Variants in RBFOX1 observed in about 807,000 individuals in gnomAD.
RBFOX1 encodes RNA binding fox-1 homolog 1.
A neutral mutation model predicts 57.7 loss-of-function variants in RBFOX1; 8 were observed. The observed-to-expected ratio is 0.14, with a 90% CI of 0.08 to 0.25. The LOEUF (loss-of-function observed/expected upper bound fraction) is 0.25. RBFOX1 is among the 10% of genes least tolerant of loss of function. The pLI, the probability that RBFOX1 is intolerant of heterozygous loss-of-function variation, is 1.00. For synonymous variants in RBFOX1, 326 were observed against 222.4 expected (o/e 1.47, Z -4.15); for missense variants, 611 against 548.5 (o/e 1.11, Z -1.14).
chr16:6,664,917 C>T (rs1257580176), intron 3 of RBFOX1, among the ~76,000 whole-genome samples: 1 of 152,210 alleles, frequency 6.6e-6, no homozygotes, highest in Admixed American at 6.5e-5. Flanking sequence ...TCCACAGCTG[C>T]ATCGTCTATA....
chr16:6,805,600 A>G (rs1375271356), intron 3 of RBFOX1, among the ~76,000 whole-genome samples: 5 of 149,942 alleles, frequency 3.3e-5, no homozygotes, highest in African/African-American at 1.3e-4. Flanking sequence ...TCAGACAATG[A>G]AGAGCAAATC....
At chr16:7,591,466 GA>G (rs2094440306) in intron 7 of RBFOX1, among the ~76,000 whole-genome samples, 1 of 152,038 alleles carries the variant, frequency 6.6e-6, no homozygotes, top group Non-Finnish European at 1.5e-5. Context: ...TACAAAAGAT[GA>G]AAAAAGAACA....
At chr16:6,428,860 G>C (rs2094000850) in intron 2 of RBFOX1, among the ~76,000 whole-genome samples, 6 of 152,212 alleles carry the variant, frequency 3.9e-5, no homozygotes, top group Admixed American at 3.9e-4. Context: ...ACGAGGCTGT[G>C]ATTGTTTGTT....
At chr16:6,080,864 T>C (rs1305953948) in intron 1 of RBFOX1, among the ~76,000 whole-genome samples, 1 of 152,230 alleles carries the variant, frequency 6.6e-6, no homozygotes, top group Non-Finnish European at 1.5e-5. Flanking sequence ...GCTGCTTGTT[T>C]TCCTGTTTAA....
rs750641105 is a variant in RBFOX1 at position 6,966,781 on chromosome 16, ATCTATCTATCTGTCTG to A, written c.-15-85272_-15-85257del. On this transcript the variant is annotated intron_variant, in intron 3 of 15. Coordinates refer to ENST00000550418, the MANE Select transcript of RBFOX1 (RefSeq NM_018723.4). Reference sequence around the variant, plus strand: ...TGTCTGTCTATCTATCTATCTATCTATCTATCTATCTGTCTGTCTGTCTGTCTGTCTGTCTGTCTAT... The same window carrying A: ...TGTCTGTCTATCTATCTATCTATCTATCTGTCTGTCTGTCTGTCTGTCTAT... 5.1e-3 allele frequency among the ~76,000 whole-genome samples: 306 copies of A among 59,850 alleles called. 5 individuals are homozygous for A. The East Asian group carries it at 0.058, about 11-fold the overall frequency. The allele number at this position is 59,850 out of a possible 152,430, so 39.3% of individuals were successfully genotyped here.
chr16:6,872,693 A>G (rs1017721920), intron 3 of RBFOX1, among the ~76,000 whole-genome samples: 9 of 152,222 alleles, frequency 5.9e-5, no homozygotes, highest in African/African-American at 2.2e-4. Flanking sequence ...ATTATAATCC[A>G]GGGTAAGCTA....
intron 1 of RBFOX1, among the ~76,000 whole-genome samples, chr16:5,261,872 AC>A (rs1166222832): frequency 6.6e-6 from 1 of 151,380 alleles, no homozygotes; most frequent in Non-Finnish European, 1.5e-5. Context: ...CTTTGTAGTA[AC>A]CCCCTTTCCC....
At chr16:6,805,309 G>A (rs1304016544) in intron 3 of RBFOX1, among the ~76,000 whole-genome samples, 2 of 152,158 alleles carry the variant, frequency 1.3e-5, no homozygotes, top group African/African-American at 2.4e-5. Flanking sequence ...AATATTGCAT[G>A]TTCTCACTTA....
intron 1 of RBFOX1, among the ~76,000 whole-genome samples, chr16:6,226,918 G>A (rs1461519461): frequency 1.3e-5 from 2 of 149,056 alleles, no homozygotes; most frequent in Admixed American, 6.7e-5. Flanking sequence ...AGACCAGCCC[G>A]GCCAACATGA....
chr16:5,559,524 A>G (rs1056125685), intron 2 of RBFOX1, among the ~76,000 whole-genome samples: 1 of 152,192 alleles, frequency 6.6e-6, no homozygotes, highest in African/African-American at 2.4e-5. Flanking sequence ...GCCTGTCAGG[A>G]TCGGGCCTTG....
At chr16:7,679,796 T>G (rs1175181396) in intron 14 of RBFOX1, among the ~76,000 whole-genome samples, 4 of 152,028 alleles carry the variant, frequency 2.6e-5, no homozygotes, top group Admixed American at 1.3e-4. Flanking sequence ...TCTCTGAATG[T>G]TGACCTCCAG....
At chr16:5,547,929 G>T (rs1215747553) in intron 2 of RBFOX1, among the ~76,000 whole-genome samples, 1 of 151,884 alleles carries the variant, frequency 6.6e-6, no homozygotes, top group Non-Finnish European at 1.5e-5. Flanking sequence ...GGAGGCTAAG[G>T]TGGGCAGATC....
intron 11 of RBFOX1, among the ~76,000 whole-genome samples, chr16:7,631,252 C>T (rs1441250581): frequency 6.6e-6 from 1 of 152,158 alleles, no homozygotes; most frequent in Non-Finnish European, 1.5e-5. Flanking sequence ...CATTAAATAA[C>T]TGTCTTTTAA....
At chr16:7,299,160 T>C (rs892831764) in intron 4 of RBFOX1, among the ~76,000 whole-genome samples, 1 of 152,246 alleles carries the variant, frequency 6.6e-6, no homozygotes, top group Non-Finnish European at 1.5e-5. Context: ...ACTCCCACCA[T>C]CTGTGTTTCA....
intron 4 of RBFOX1, among the ~76,000 whole-genome samples, chr16:5,991,908 A>C (rs1460092925): frequency 6.6e-6 from 1 of 152,194 alleles, no homozygotes; most frequent in Non-Finnish European, 1.5e-5. Flanking sequence ...AAAAGCAACC[A>C]TTCTTACCAT....
At chr16:7,366,180 G>A (rs768440854) in intron 4 of RBFOX1, among the ~76,000 whole-genome samples, 1 of 152,222 alleles carries the variant, frequency 6.6e-6, no homozygotes, top group African/African-American at 2.4e-5. Flanking sequence ...AGACCAGGAT[G>A]ATTTTAAGCC....
chr16:6,133,397 G>A (rs2096643831), intron 1 of RBFOX1, among the ~76,000 whole-genome samples: 1 of 152,168 alleles, frequency 6.6e-6, no homozygotes, highest in African/African-American at 2.4e-5. Flanking sequence ...ACTGAACACA[G>A]GGTTCTGAAT....
chr16:5,536,105 CCT>C (rs1258801138), intron 2 of RBFOX1, among the ~76,000 whole-genome samples: 2 of 149,804 alleles, frequency 1.3e-5, no homozygotes, highest in Non-Finnish European at 3.0e-5. Context: ...GCCCCCCCCC[CCT>C]TTTTTTTCTT....
chr16:7,372,015 T>C (rs567766467), intron 4 of RBFOX1, among the ~76,000 whole-genome samples: 1 of 152,230 alleles, frequency 6.6e-6, no homozygotes, highest in Non-Finnish European at 1.5e-5. Context: ...TACACTGAGT[T>C]ATCTGATAGA....
Sources: allele counts gnomAD v4.1 joint callset (sites outside exome capture counted in the v4.1 genomes callset), GRCh38; gene constraint gnomAD v4.1.1; transcripts MANE v1.5; gene names NCBI Gene and HGNC (gene_info 2026-07-23, HGNC 2026-07-21).